The following PEG3 variants were observed in gnomAD, a reference collection of about 807,000 sequenced individuals.
PEG3 encodes paternally expressed 3, also known as paternally-expressed gene 3 protein.
PEG3 carries 23 observed loss-of-function variants against 35.5 expected under a neutral mutation model. That is an observed-to-expected ratio of 0.65 (90% CI 0.47 to 0.92). The LOEUF (loss-of-function observed/expected upper bound fraction) is 0.92. Ranked by LOEUF, PEG3 falls within the 40% of genes least tolerant of loss-of-function variation. The pLI is 0.00. For missense variants in PEG3, 1,960 were observed against 1,985.3 expected, an observed-to-expected ratio of 0.99 and a Z score of 0.24; for synonymous variants, 707 against 697.0, an observed-to-expected ratio of 1.01 and a Z score of -0.23.
At chr19:56,823,729 A>G in intron 4 of PEG3, 50 bp from the exon 5 acceptor site, 1 of 1,602,182 alleles carries the variant, frequency 6.2e-7, no homozygotes, top group Non-Finnish European at 8.6e-7. Context: ...ACATTCTCAC[A>G]ATAGTTCCCC....
chr19:56,838,076 G>A (rs994498211), intron 1 of PEG3, among the ~76,000 whole-genome samples: 2 of 152,200 alleles, frequency 1.3e-5, no homozygotes, highest in African/African-American at 2.4e-5. Flanking sequence ...GTACACCGTG[G>A]CTGCCACCTA....
intron 2 of PEG3, among the ~76,000 whole-genome samples, chr19:56,829,735 A>G (rs988894419): frequency 6.6e-6 from 1 of 152,230 alleles, no homozygotes; most frequent in African/African-American, 2.4e-5. Context: ...GGCAACTAGC[A>G]GTGGGGCCAG....
At position 56,810,296 on chromosome 19, in the gene PEG3, A is replaced by C; in HGVS notation, c.*3379T>G. 1.0e-6 allele frequency: 1 copy of C among 973,720 alleles called. No individual in the cohort carries two copies. Among genetic ancestry groups the C allele is most frequent in the Non-Finnish European group, 1.2e-6 (1 of 819,286 alleles). 60.3% of individuals were successfully genotyped at this position (973,720 alleles called of 1,614,324 possible). A position where few individuals can be genotyped will look rare whatever the true frequency, so the allele number is the denominator to read the frequency against. Reference sequence around the variant, plus strand: ...AATGAACACATTTCATATATAATGGAAATATATGTAGTAAAGGTGGACTAC... The same window carrying C: ...AATGAACACATTTCATATATAATGGCAATATATGTAGTAAAGGTGGACTAC... On this transcript the variant is annotated 3_prime_UTR_variant, in exon 10 of 10. Coordinates refer to ENST00000326441, the MANE Select transcript of PEG3 (RefSeq NM_006210.3).
At chr19:56,828,174 C>T (rs1009874426) in intron 2 of PEG3, among the ~76,000 whole-genome samples, 1 of 152,144 alleles carries the variant, frequency 6.6e-6, no homozygotes, top group African/African-American at 2.4e-5. Flanking sequence ...AGGCTCTCCC[C>T]GCATCGCCTC....
intron 4 of PEG3, 134 bp from the exon 5 acceptor site, chr19:56,823,813 C>G (rs2060745603): frequency 5.7e-6 from 6 of 1,046,148 alleles, no homozygotes; most frequent in Non-Finnish European, 8.6e-6. Flanking sequence ...TTTCTGAGTT[C>G]AAAACCCTTC....
In PEG3 at chr19:56,812,750, T is replaced by C. The variant is rs2059622087; in HGVS notation, c.*925A>G. 1.0e-6 allele frequency: 1 copy of C among 984,710 alleles called. No individual in the cohort carries two copies. Among genetic ancestry groups the C allele is most frequent in the African/African-American group, 1.8e-5 (1 of 57,012 alleles). The allele number at this position is 984,710 out of a possible 1,614,324, so 61.0% of individuals were successfully genotyped here. ...GTAACCCATTCTTTAAAGGCAAAGA[T>C]GTAAGATTTACAGGGAAAAGCTTCG... On this transcript the variant is annotated 3_prime_UTR_variant, in exon 10 of 10. Transcript: ENST00000326441.
chr19:56,813,485 G>C lies in PEG3; in HGVS notation c.*190C>G. On this transcript the variant is annotated 3_prime_UTR_variant, in exon 10 of 10. Transcript: ENST00000326441. ...CACATGCAGACACTGACATCTGAAG[G>C]GGAAAGCTTAAGACTGTGGAATCTG... The C allele has an allele frequency of 7.1e-7, 1 of 1,401,270 alleles. No individual in the cohort carries two copies. The highest frequency in any genetic ancestry group is 9.3e-7 in the Non-Finnish European group (1 of 1,078,664). 86.8% of individuals were successfully genotyped at this position (1,401,270 alleles called of 1,614,324 possible).
rs761792117 is a variant in PEG3, at chr19:56,810,757, C to G, written c.*2918G>C. On this transcript the variant is annotated 3_prime_UTR_variant, in exon 10 of 10. Transcript: ENST00000326441. ...AACACTGTTATCACAAGCGTGTGCACTGAAACAAGATAGAGGAAACAGATC... is the reference window on the plus strand; with the variant it reads ...AACACTGTTATCACAAGCGTGTGCAGTGAAACAAGATAGAGGAAACAGATC... 64 of 983,762 alleles carry G rather than the reference C, an allele frequency of 6.5e-5. No homozygotes were observed. Among genetic ancestry groups the G allele is most frequent in the Non-Finnish European group, 7.1e-5 (59 of 828,612 alleles). The allele number at this position is 983,762 out of a possible 1,614,324, so 60.9% of individuals were successfully genotyped here. A position where few individuals can be genotyped will look rare whatever the true frequency, so the allele number is the denominator to read the frequency against.
In PEG3 at chr19:56,810,496, G is replaced by GT; in HGVS notation, c.*3178dup. The GT allele has an allele frequency of 1.0e-6, 1 of 984,950 alleles. No homozygotes were observed. The highest frequency in any genetic ancestry group is 1.7e-5 in the African/African-American group (1 of 57,340). The allele number at this position is 984,950 out of a possible 1,614,324, so 61.0% of individuals were successfully genotyped here. On this transcript the variant is annotated 3_prime_UTR_variant, in exon 10 of 10. Transcript: ENST00000326441. ...TAGTGCACAGATCAAGATGTTAACAGTTAATTGTTGTTGGGTGTTGGGAAT... is the reference window on the plus strand; with the variant it reads ...TAGTGCACAGATCAAGATGTTAACAGTTTAATTGTTGTTGGGTGTTGGGAAT...
In PEG3 at chr19:56,821,692, C is replaced by T. The variant is rs142391687; in HGVS notation, c.628G>A (p.Glu210Lys). ...VAKTSFEMDR[E>K]DDRDSRAYES... The stretch of plus-strand genomic sequence containing the variant: ...TAAGCCCTGGAGTCCCTGTCGTCCT[C>T]TCTGTCCATTTCAAAGCTTGTTTTC... Residue 210 changes from glutamate (E) to lysine (K), a missense_variant, in exon 7 of 10, where the codon GAG becomes AAG. Physicochemically the swap from Glu to Lys is moderately conservative, Grantham distance 56 (BLOSUM62 1). Around this residue, in one of 5 missense-constraint regions of PEG3, gnomAD observed 613 missense variants for 577.1 expected, o/e 1.06. Coordinates refer to ENST00000326441, the MANE Select transcript of PEG3 (RefSeq NM_006210.3). The T allele has an allele frequency of 5.7e-3, 9,138 of 1,614,082 alleles. 63 individuals carry two copies. The highest frequency in any genetic ancestry group is 0.019 in the South Asian group (1,746 of 91,076).
chr19:56,833,028 C>T, intron 2 of PEG3: 1 of 385,898 alleles, frequency 2.6e-6, no homozygotes, highest in Non-Finnish European at 5.2e-6. Flanking sequence ...CAGGGAAGAT[C>T]CATGGCTTTA....
chr19:56,810,985 G>C lies in PEG3; in HGVS notation c.*2690C>G. The C allele has an allele frequency of 1.0e-6, 1 of 973,374 alleles. No homozygotes were observed. The highest frequency in any genetic ancestry group is 1.2e-6 in the Non-Finnish European group (1 of 818,958). The allele number at this position is 973,374 out of a possible 1,614,324, so 60.3% of individuals were successfully genotyped here. A position where few individuals can be genotyped will look rare whatever the true frequency, so the allele number is the denominator to read the frequency against. On this transcript the variant is annotated 3_prime_UTR_variant, in exon 10 of 10. Coordinates refer to ENST00000326441, the MANE Select transcript of PEG3 (RefSeq NM_006210.3). ...TTAACCATAATTCCACAAAGGTAAT[G>C]TAACAGCTATTTTGAATATACATTT...
Position 56,824,466 on chromosome 19 carries a change from G to C in PEG3, c.190C>G (p.Leu64Val). Residue 64 changes from leucine (L) to valine (V), a missense_variant, in exon 4 of 10, where the codon CTG becomes GTG. Leu to Val is a conservative substitution (Grantham distance 32, BLOSUM62 1). Coordinates refer to ENST00000326441, the MANE Select transcript of PEG3 (RefSeq NM_006210.3). ...AGGCAGAGGTTTCGGAGTTTGATCA[G>C]GGTCTTCCGAGGCCCAACAAATTCC... ...YVEFVGPRKT[L>V]IKLRNLCLDW... 1 of 1,614,078 alleles carries C rather than the reference G, an allele frequency of 6.2e-7. No homozygotes were observed. The highest frequency in any genetic ancestry group is 8.5e-7 in the Non-Finnish European group (1 of 1,180,040).
intron 1 of PEG3, among the ~76,000 whole-genome samples, chr19:56,838,470 C>T (rs1464126120): frequency 6.6e-6 from 1 of 152,144 alleles, no homozygotes; most frequent in African/African-American, 2.4e-5. Flanking sequence ...CAGCCCTTAG[C>T]CCCGCCAGCA....
chr19:56,811,308 A>G lies in PEG3; in HGVS notation c.*2367T>C. On this transcript the variant is annotated 3_prime_UTR_variant, in exon 10 of 10. Transcript: ENST00000326441. Reference sequence around the variant, plus strand: ...AGCATATATATTTTTAAACAGTTATAATGAACTGTTTAAATGAACTGTTAA... The same window carrying G: ...AGCATATATATTTTTAAACAGTTATGATGAACTGTTTAAATGAACTGTTAA... 1.1e-6 allele frequency: 1 copy of G among 905,084 alleles called. No homozygotes were observed. Among genetic ancestry groups the G allele is most frequent in the Non-Finnish European group, 1.3e-6 (1 of 756,910 alleles). 56.1% of individuals were successfully genotyped at this position (905,084 alleles called of 1,614,324 possible).
intron 7 of PEG3, 79 bp from the exon 8 acceptor site, chr19:56,818,781 G>A: frequency 2.0e-6 from 3 of 1,500,462 alleles, no homozygotes; most frequent in Non-Finnish European, 2.8e-6. Flanking sequence ...GGCAACATGG[G>A]AGTTACATAT....
Position 56,810,144 on chromosome 19 carries a change from A to G in PEG3, c.*3531T>C. 1.0e-6 allele frequency: 1 copy of G among 976,022 alleles called. No homozygotes were observed. The highest frequency in any genetic ancestry group is 1.2e-6 in the Non-Finnish European group (1 of 821,356). 60.5% of individuals were successfully genotyped at this position (976,022 alleles called of 1,614,324 possible). A position where few individuals can be genotyped will look rare whatever the true frequency, so the allele number is the denominator to read the frequency against. ...CAGATAGAATGACCACAACCATATT[A>G]ACAAACCAAAAACCTGTGCACAGAA... On this transcript the variant is annotated 3_prime_UTR_variant, in exon 10 of 10. Coordinates refer to ENST00000326441, the MANE Select transcript of PEG3 (RefSeq NM_006210.3).
At chr19:56,820,618 G>A (rs1190343617) in intron 7 of PEG3, among the ~76,000 whole-genome samples, 1 of 152,122 alleles carries the variant, frequency 6.6e-6, no homozygotes, top group Non-Finnish European at 1.5e-5. Flanking sequence ...GCGTGCTCCT[G>A]GCTCTAAATG....
In PEG3 at chr19:56,814,187, TTGGCTCAGCAGCCTCCACTTC is replaced by T. The variant is rs754092967; in HGVS notation, c.4234_4254del (p.Glu1412_Pro1418del). 4.5e-4 allele frequency: 730 copies of T among 1,613,402 alleles called. 1 individual carries two copies. The highest frequency in any genetic ancestry group is 3.8e-4 in the Non-Finnish European group (444 of 1,179,812). On this transcript the variant is annotated inframe_deletion, in exon 10 of 10. Transcript: ENST00000326441. The surrounding 1 kb of genome is among the most constrained non-coding windows in gnomAD (Gnocchi z 5.8). ...CCATCTGGCCCTTCAGCCTCTCCGT[TTGGCTCAGCAGCCTCCACTTC>T]TGGCTCAGCAGCCTCCACTTCTGGC...
Sources: gnomAD v4.1 joint callset for allele counts (sites outside exome capture counted in the v4.1 genomes callset) on GRCh38, gnomAD v4.1.1 for gene constraint, gnomAD v4.1.1 regional missense constraint, Gnocchi (gnomAD v3.1) non-coding constraint, MANE v1.5 for transcripts, NCBI Gene and HGNC (gene_info 2026-07-23, HGNC 2026-07-21) for gene names.